The following GALNT17 variants were observed in gnomAD, a reference collection of about 807,000 sequenced individuals.
GALNT17 encodes the protein polypeptide N-acetylgalactosaminyltransferase 17, also known as UDP-GalNAc:polypeptide N-acetylgalactosaminyltransferase-like 3.
In GALNT17, 29 loss-of-function variants were observed where a neutral mutation model predicts 63.7. The ratio of observed to expected loss-of-function variants is 0.46; its 90% CI spans 0.34 to 0.62. GALNT17 has a LOEUF of 0.62. Ranked by LOEUF, GALNT17 falls within the 20% of genes least tolerant of loss-of-function variation. GALNT17 has a pLI of 0.01. For missense variants in GALNT17, 603 were observed against 799.6 expected, an observed-to-expected ratio of 0.75 and a Z score of 2.97; for synonymous variants, 305 against 318.3, an observed-to-expected ratio of 0.96 and a Z score of 0.45.
intron 5 of GALNT17, among the ~76,000 whole-genome samples, chr7:71,496,442 A>G (rs887905519): frequency 6.6e-6 from 1 of 152,088 alleles, no homozygotes; most frequent in African/African-American, 2.4e-5. Flanking sequence ...GACCTCACGT[A>G]TTGGTGAGGT....
intron 5 of GALNT17, among the ~76,000 whole-genome samples, chr7:71,565,998 T>C (rs1789337388): frequency 1.3e-5 from 2 of 151,874 alleles, no homozygotes; most frequent in Non-Finnish European, 2.9e-5. Context: ...TGCGTGCTAC[T>C]AGGCCTGGCT....
intron 1 of GALNT17, among the ~76,000 whole-genome samples, chr7:71,225,991 A>C (rs951808444): frequency 1.3e-5 from 2 of 152,222 alleles, no homozygotes; most frequent in Non-Finnish European, 2.9e-5. Flanking sequence ...TATAAATGAG[A>C]TGTATACATA....
At chr7:71,597,662 A>C (rs889198333) in intron 6 of GALNT17, among the ~76,000 whole-genome samples, 2 of 152,190 alleles carry the variant, frequency 1.3e-5, no homozygotes, top group Admixed American at 1.3e-4. Context: ...GAGGGTTGTC[A>C]GCAGATGAGC....
intron 5 of GALNT17, among the ~76,000 whole-genome samples, chr7:71,424,985 T>C (rs111796530): frequency 5.6e-4 from 85 of 152,342 alleles, no homozygotes; most frequent in African/African-American, 1.9e-3. Context: ...TTTCTTTCTA[T>C]ATATTAATAT....
At chr7:71,161,258 A>T (rs1788337069) in intron 1 of GALNT17, among the ~76,000 whole-genome samples, 2 of 152,326 alleles carry the variant, frequency 1.3e-5, no homozygotes, top group South Asian at 4.1e-4. Context: ...AACCTTGTTA[A>T]TTTGATAGAT....
chr7:71,658,419 T>A (rs1015069264), intron 6 of GALNT17, among the ~76,000 whole-genome samples: 1 of 151,982 alleles, frequency 6.6e-6, no homozygotes, highest in Non-Finnish European at 1.5e-5. Flanking sequence ...GACCCCAGAG[T>A]CTTGTGATGG....
At chr7:71,150,127 A>T (rs527329787) in intron 1 of GALNT17, among the ~76,000 whole-genome samples, 6 of 152,084 alleles carry the variant, frequency 3.9e-5, no homozygotes, top group Non-Finnish European at 1.5e-5. Flanking sequence ...ATTCCTGTTC[A>T]CCATCCTGAT....
chr7:71,616,291 C>G (rs77062762), intron 6 of GALNT17, among the ~76,000 whole-genome samples: 4,092 of 152,008 alleles, frequency 0.027, 166 homozygotes, highest in African/African-American at 0.085. Flanking sequence ...TTCTTTCCCC[C>G]CCGTCCTCTC....
chr7:71,530,498 A>T (rs76804499), intron 5 of GALNT17, among the ~76,000 whole-genome samples: 8,121 of 152,242 alleles, frequency 0.053, 280 homozygotes, highest in Middle Eastern at 0.092. Flanking sequence ...CACCGATTGC[A>T]CAAACCTTCT....
intron 2 of GALNT17, among the ~76,000 whole-genome samples, chr7:71,340,614 A>C (rs959165788): frequency 6.6e-6 from 1 of 152,228 alleles, no homozygotes; most frequent in Non-Finnish European, 1.5e-5. Context: ...TTGTTATAAA[A>C]GATGTTAACA....
At chr7:71,153,393 A>G (rs1168293969) in intron 1 of GALNT17, among the ~76,000 whole-genome samples, 3 of 152,200 alleles carry the variant, frequency 2.0e-5, no homozygotes, top group African/African-American at 7.2e-5. Context: ...GGAACAAGAC[A>G]TTTGGCCTTT....
At chr7:71,140,013 C>T (rs1787857275) in intron 1 of GALNT17, among the ~76,000 whole-genome samples, 1 of 152,030 alleles carries the variant, frequency 6.6e-6, no homozygotes, top group Admixed American at 6.6e-5. Flanking sequence ...CAAACAAACA[C>T]ACACCAAAAC....
In GALNT17 at chr7:71,156,551, C is replaced by T. The variant is rs73361731; in HGVS notation, c.238+23511C>T. On this transcript the variant is annotated intron_variant, in intron 1 of 10. Coordinates refer to ENST00000333538, the MANE Select transcript of GALNT17 (RefSeq NM_022479.3). ...TTGAGTTGTCATAAGGCTGTTGTGA[C>T]AATTAAATTCATTTATTCACATGAG... Among the ~76,000 whole-genome samples, 4 of 149,930 alleles carry T rather than the reference C, an allele frequency of 2.7e-5. No individual in the cohort carries two copies. The East Asian group carries it at 7.8e-4, about 29-fold the overall frequency.
At chr7:71,333,646 G>A (rs1220603278) in intron 1 of GALNT17, among the ~76,000 whole-genome samples, 1 of 152,102 alleles carries the variant, frequency 6.6e-6, no homozygotes, top group Non-Finnish European at 1.5e-5. Context: ...GACTACAGGT[G>A]CACATCACCA....
intron 7 of GALNT17, among the ~76,000 whole-genome samples, chr7:71,666,813 A>G (rs1584123103): frequency 6.9e-6 from 1 of 145,002 alleles, no homozygotes; most frequent in African/African-American, 2.6e-5. Context: ...TGTATTTTTT[A>G]TTGTTGTATT....
intron 3 of GALNT17, among the ~76,000 whole-genome samples, chr7:71,413,718 T>C (rs1461428605): frequency 6.6e-6 from 1 of 152,146 alleles, no homozygotes; most frequent in East Asian, 1.9e-4. Context: ...TGTGTCTGAA[T>C]TGTCTTTGAG....
At chr7:71,343,684 A>G (rs868455025) in intron 2 of GALNT17, among the ~76,000 whole-genome samples, 1 of 152,084 alleles carries the variant, frequency 6.6e-6, no homozygotes, top group Non-Finnish European at 1.5e-5. Context: ...TTGCTTTTCT[A>G]TGACTCTTTT....
At chr7:71,198,510 G>C (rs1415872193) in intron 1 of GALNT17, among the ~76,000 whole-genome samples, 1 of 152,208 alleles carries the variant, frequency 6.6e-6, no homozygotes, top group Non-Finnish European at 1.5e-5. Flanking sequence ...AAGTCTTTGA[G>C]CTTCCAGGAT....
intron 5 of GALNT17, among the ~76,000 whole-genome samples, chr7:71,430,283 T>C (rs1023351961): frequency 6.6e-6 from 1 of 152,190 alleles, no homozygotes; most frequent in African/African-American, 2.4e-5. Context: ...GGATACCATT[T>C]ATTTAGCCTG....
Sources: gnomAD v4.1 joint callset for allele counts (sites outside exome capture counted in the v4.1 genomes callset) on GRCh38, gnomAD v4.1.1 for gene constraint, MANE v1.5 for transcripts, NCBI Gene and HGNC (gene_info 2026-07-23, HGNC 2026-07-21) for gene names.